The following PRKCH variants were observed in gnomAD, a reference collection of about 807,000 sequenced individuals.
PRKCH encodes the protein protein kinase C eta type.
In PRKCH, 28 loss-of-function variants were observed where a neutral mutation model predicts 82.5. That is an observed-to-expected ratio of 0.34 (90% CI 0.25 to 0.47). The LOEUF is 0.47. Ranked by LOEUF, PRKCH falls within the 20% of genes least tolerant of loss-of-function variation. The pLI, the probability that PRKCH is intolerant of heterozygous loss-of-function variation, is 1.00. For missense variants in PRKCH, 705 were observed against 881.8 expected (o/e 0.80, Z 2.54); for synonymous variants, 322 against 327.4 (o/e 0.98, Z 0.18).
chr14:61,477,983 C>G (rs1479982483), intron 9 of PRKCH, among the ~76,000 whole-genome samples: 1 of 152,160 alleles, frequency 6.6e-6, no homozygotes, highest in East Asian at 1.9e-4. Flanking sequence ...GCCTCGAGAC[C>G]CAGTGCATGC....
intron 1 of PRKCH, among the ~76,000 whole-genome samples, chr14:61,329,959 A>G (rs1276429828): frequency 1.3e-5 from 2 of 152,210 alleles, no homozygotes; most frequent in Non-Finnish European, 2.9e-5. Flanking sequence ...AGACTATTAC[A>G]TGTTTCTATT....
chr14:61,190,753 C>G (rs1057120616), intron 1 of PRKCH, among the ~76,000 whole-genome samples: 4 of 152,116 alleles, frequency 2.6e-5, no homozygotes, highest in African/African-American at 9.7e-5. Context: ...CTCACTGTTC[C>G]TGGCCTGAAA....
chr14:61,456,942 C>A, intron 7 of PRKCH: 1 of 447,244 alleles, frequency 2.2e-6, no homozygotes, highest in Non-Finnish European at 4.0e-6. Flanking sequence ...ACTGTAACTC[C>A]ATGGCTTAGA....
intron 1 of PRKCH, among the ~76,000 whole-genome samples, chr14:61,260,900 T>G (rs956835583): frequency 2.0e-5 from 3 of 152,212 alleles, no homozygotes; most frequent in Non-Finnish European, 4.4e-5. Flanking sequence ...GAAGACAAGA[T>G]GTACTTTAAG....
At chr14:61,529,268 C>A in intron 11 of PRKCH, 55 bp downstream of exon 11, 1 of 1,538,658 alleles carries the variant, frequency 6.5e-7, no homozygotes, top group South Asian at 1.2e-5. Context: ...GTAACTCTGA[C>A]CAGAAATGCC....
intron 1 of PRKCH, among the ~76,000 whole-genome samples, chr14:61,216,627 C>A (rs75185466): frequency 0.011 from 1,649 of 152,284 alleles, 20 homozygotes; most frequent in African/African-American, 0.038. Flanking sequence ...CAAGTTTACA[C>A]TTCACACTTA....
At chr14:61,489,714 C>T (rs937547203) in intron 10 of PRKCH, among the ~76,000 whole-genome samples, 1 of 152,138 alleles carries the variant, frequency 6.6e-6, no homozygotes, top group African/African-American at 2.4e-5. Flanking sequence ...GCTTCTTGGC[C>T]GATTGGAAGG....
At chr14:61,257,971 T>C (rs1361510065) in intron 1 of PRKCH, among the ~76,000 whole-genome samples, 1 of 110,260 alleles carries the variant, frequency 9.1e-6, no homozygotes, top group East Asian at 2.8e-4. Flanking sequence ...ATTCGTTTTA[T>C]GGATTTTTTT....
intron 1 of PRKCH, among the ~76,000 whole-genome samples, chr14:61,229,609 C>G (rs145680182): frequency 1.3e-5 from 2 of 152,068 alleles, no homozygotes; most frequent in Non-Finnish European, 1.5e-5. Context: ...AACCTGAGAC[C>G]GAAGGGAAGA....
chr14:61,199,679 T>C (rs1352350960), intron 1 of PRKCH, among the ~76,000 whole-genome samples: 2 of 152,190 alleles, frequency 1.3e-5, no homozygotes, highest in African/African-American at 2.4e-5. Context: ...CCACAGTCAA[T>C]GTAGGGGAAC....
At chr14:61,486,684 C>CTT (rs944702915) in intron 10 of PRKCH, among the ~76,000 whole-genome samples, 2 of 141,298 alleles carry the variant, frequency 1.4e-5, no homozygotes, top group African/African-American at 5.7e-5. Flanking sequence ...TTCTTTCTTT[C>CTT]TTTTTTTTTT....
chr14:61,216,674 G>T (rs938750233), intron 1 of PRKCH, among the ~76,000 whole-genome samples: 2 of 152,132 alleles, frequency 1.3e-5, no homozygotes, highest in Non-Finnish European at 2.9e-5. Flanking sequence ...AGCTTTCTAG[G>T]CTTAAGAGAA....
chr14:61,545,143 A>G (rs1472955923), intron 12 of PRKCH: 1 of 152,382 alleles, frequency 6.6e-6, no homozygotes, highest in Non-Finnish European at 1.5e-5. Flanking sequence ...CCATCCCTGC[A>G]TGCCAGCTGT....
chr14:61,228,288 G>A (rs1271060858), intron 1 of PRKCH, among the ~76,000 whole-genome samples: 1 of 152,206 alleles, frequency 6.6e-6, no homozygotes, highest in East Asian at 1.9e-4. Context: ...AAGTGTAGAA[G>A]ACAGAGAGAA....
intron 1 of PRKCH, among the ~76,000 whole-genome samples, chr14:61,227,712 G>C (rs554398761): frequency 6.6e-6 from 1 of 151,948 alleles, no homozygotes; most frequent in Admixed American, 6.5e-5. Flanking sequence ...AAGTAATCGC[G>C]GTTTTTGCCA....
chr14:61,358,829 C>G (rs930971668), intron 1 of PRKCH, among the ~76,000 whole-genome samples: 1 of 152,142 alleles, frequency 6.6e-6, no homozygotes, highest in African/African-American at 2.4e-5. Flanking sequence ...TCTTTAGGCT[C>G]TTTCCCACCT....
chr14:61,300,735 G>A (rs1292675954), intron 1 of PRKCH, among the ~76,000 whole-genome samples: 1 of 152,138 alleles, frequency 6.6e-6, no homozygotes, highest in Non-Finnish European at 1.5e-5. Context: ...TGATAAGCAA[G>A]CTGCAAGCTT....
At chr14:61,188,712 TG>T (rs2044387519) in intron 1 of PRKCH, among the ~76,000 whole-genome samples, 1 of 145,130 alleles carries the variant, frequency 6.9e-6, no homozygotes, top group African/African-American at 2.6e-5. Context: ...GTAGTGTGTG[TG>T]TGTGTGTGTG....
At chr14:61,424,816 A>G (rs1413164984) in intron 2 of PRKCH, among the ~76,000 whole-genome samples, 2 of 152,318 alleles carry the variant, frequency 1.3e-5, no homozygotes, top group East Asian at 1.9e-4. Flanking sequence ...TAGAAGGGAA[A>G]AGTGGTTTCA....
Sources: gnomAD v4.1 joint callset for allele counts (sites outside exome capture counted in the v4.1 genomes callset) on GRCh38, gnomAD v4.1.1 for gene constraint, MANE v1.5 for transcripts, NCBI Gene and HGNC (gene_info 2026-07-23, HGNC 2026-07-21) for gene names.